RAP1B: variants seen among roughly 807,000 people sequenced by gnomAD.
RAP1B encodes RAP1B, member of RAS oncogene family, also known as ras-related protein Rap-1b.
A neutral mutation model predicts 27.5 loss-of-function variants in RAP1B; 1 was observed. The observed-to-expected ratio is 0.04, with a 90% CI of 0.01 to 0.17. RAP1B has a LOEUF of 0.17. Among genes scored for constraint, RAP1B ranks in the 10% least tolerant of loss-of-function variants. The pLI, the probability that RAP1B is intolerant of heterozygous loss-of-function variation, is 1.00. For synonymous variants in RAP1B, 75 were observed against 73.1 expected, an observed-to-expected ratio of 1.03 and a Z score of -0.13; for missense variants, 84 against 214.8, an observed-to-expected ratio of 0.39 and a Z score of 3.81.
At chr12:68,642,919 C>T in intron 1 of RAP1B, 2 of 929,382 alleles carry the variant, frequency 2.2e-6, no homozygotes, top group Non-Finnish European at 1.8e-6. Context: ...TAGCAATGGC[C>T]TTTTGGTTCT....
At chr12:68,653,963 C>T (rs1416856252) in intron 4 of RAP1B, 149 bp from the exon 5 acceptor site, 3 of 699,032 alleles carry the variant, frequency 4.3e-6, no homozygotes, top group Middle Eastern at 4.1e-4. Context: ...CCAATTTTTT[C>T]AAATAGTATC....
chr12:68,622,502 CT>C (rs1283990798), intron 1 of RAP1B, among the ~76,000 whole-genome samples: 3 of 152,206 alleles, frequency 2.0e-5, no homozygotes, highest in Non-Finnish European at 4.4e-5. Flanking sequence ...AGCTGTACTT[CT>C]TTCTGTGACA....
At chr12:68,640,637 T>C (rs1223799874) in intron 1 of RAP1B, among the ~76,000 whole-genome samples, 1 of 152,232 alleles carries the variant, frequency 6.6e-6, no homozygotes, top group African/African-American at 2.4e-5. Context: ...ATTTTCTTTT[T>C]AATACATAAA....
chr12:68,650,266 G>C, intron 2 of RAP1B, 134 bp from the exon 3 acceptor site: 1 of 742,190 alleles, frequency 1.3e-6, no homozygotes, highest in Non-Finnish European at 2.0e-6. Flanking sequence ...GTACACATTC[G>C]AATGTAGTAT....
At chr12:68,614,409 G>T (rs149025797) in intron 1 of RAP1B, among the ~76,000 whole-genome samples, 84 of 152,314 alleles carry the variant, frequency 5.5e-4, no homozygotes, top group African/African-American at 2.0e-3. Flanking sequence ...TAAAGAGGAG[G>T]TTGGGTATTG....
chr12:68,619,787 A>G (rs1474720533), intron 1 of RAP1B, among the ~76,000 whole-genome samples: 2 of 152,204 alleles, frequency 1.3e-5, no homozygotes, highest in Non-Finnish European at 2.9e-5. Flanking sequence ...TTATCTTAAA[A>G]TCTCCTATTA....
In RAP1B at chr12:68,650,730, A is replaced by G. The variant is rs555987058; in HGVS notation, c.126+262A>G. On this transcript the variant is annotated intron_variant, in intron 3 of 7. Coordinates refer to ENST00000250559, the MANE Select transcript of RAP1B (RefSeq NM_001010942.3). ...ACCATCCATTTCAAGTAGTAGCCCC[A>G]TGTTACTTTCAGTCCCCTACCTAGC... 5.2e-5 allele frequency: 11 copies of G among 210,470 alleles called. No homozygotes were observed. In the South Asian group the frequency reaches 6.1e-4, roughly 12 times the overall value. The allele number at this position is 210,470 out of a possible 1,614,324, so 13.0% of individuals were successfully genotyped here.
chr12:68,612,197 A>T (rs1870652828), intron 1 of RAP1B, among the ~76,000 whole-genome samples: 1 of 152,218 alleles, frequency 6.6e-6, no homozygotes, highest in South Asian at 2.1e-4. Context: ...GCAGCATCTC[A>T]TATATGTCGA....
rs564016081 is a variant in RAP1B at position 68,631,620 on chromosome 12, A to C, written c.-26-17079A>C. 2.0e-5 allele frequency among the ~76,000 whole-genome samples: 3 copies of C among 152,152 alleles called. No individual in the cohort carries two copies. The South Asian group carries it at 6.2e-4, about 32-fold the overall frequency. The stretch of plus-strand genomic sequence containing the variant: ...CTGCTTTTTCCGCTATAGTCTAATT[A>C]ATGTTCCCATGTTATGCTGCCTTTT... On this transcript the variant is annotated intron_variant, in intron 1 of 7. Transcript: ENST00000250559.
intron 6 of RAP1B, chr12:68,656,690 T>C: frequency 1.8e-6 from 1 of 571,404 alleles, no homozygotes; most frequent in Non-Finnish European, 3.0e-6. Flanking sequence ...AGAAAATACA[T>C]GGATAGGGAA....
intron 3 of RAP1B, chr12:68,650,834 T>C (rs1172879442): frequency 6.5e-6 from 1 of 154,074 alleles, no homozygotes; most frequent in East Asian, 1.9e-4. Context: ...TTCTACTTAC[T>C]AACCTCTTGA....
intron 1 of RAP1B, chr12:68,627,018 T>C: frequency 6.3e-7 from 1 of 1,576,640 alleles, no homozygotes; most frequent in South Asian, 1.1e-5. Context: ...CTTTGAGATG[T>C]GGATCTTCTG....
chr12:68,646,967 A>G (rs1873452542), intron 1 of RAP1B, among the ~76,000 whole-genome samples: 1 of 152,238 alleles, frequency 6.6e-6, no homozygotes. Context: ...ACCCATATAC[A>G]AAAAGAAAGG....
rs368363884 is a variant in RAP1B, at chr12:68,657,788, G to A, written c.*30+571G>A. 3.0e-4 allele frequency: 46 copies of A among 154,484 alleles called. No individual in the cohort carries two copies. In the South Asian group the frequency reaches 7.8e-3, roughly 26 times the overall value. 9.6% of individuals were successfully genotyped at this position (154,484 alleles called of 1,614,324 possible). On this transcript the variant is annotated intron_variant, in intron 7 of 7. Coordinates refer to ENST00000250559, the MANE Select transcript of RAP1B (RefSeq NM_001010942.3). ...CACACACACACGTGCGCGCGTGCGC[G>A]TGAGCCACCGCTCCCAGCCAACCGT...
chr12:68,617,225 T>TA (rs1871090931), intron 1 of RAP1B, among the ~76,000 whole-genome samples: 1 of 152,250 alleles, frequency 6.6e-6, no homozygotes, highest in Non-Finnish European at 1.5e-5. Flanking sequence ...ACTTAGTTTT[T>TA]ATGCGCCAAA....
intron 1 of RAP1B, among the ~76,000 whole-genome samples, chr12:68,643,179 CTT>C (rs1372832685): frequency 1.3e-5 from 2 of 152,144 alleles, no homozygotes; most frequent in Non-Finnish European, 2.9e-5. Context: ...AGTCAGAACT[CTT>C]AATAATTTAT....
intron 1 of RAP1B, among the ~76,000 whole-genome samples, chr12:68,611,472 C>T (rs1304797172): frequency 6.6e-6 from 1 of 151,518 alleles, no homozygotes; most frequent in Non-Finnish European, 1.5e-5. Flanking sequence ...CGCCTGGGTT[C>T]CCTCCGTGGT....
In RAP1B at chr12:68,620,927, C is replaced by T. The variant is rs559168129; in HGVS notation, c.-27+9884C>T. Among the ~76,000 whole-genome samples, 7 of 152,100 alleles carry T rather than the reference C, an allele frequency of 4.6e-5. No individual in the cohort carries two copies. The East Asian group carries it at 1.2e-3, about 25-fold the overall frequency. On this transcript the variant is annotated intron_variant, in intron 1 of 7. Transcript: ENST00000250559. ...AAGGATTTTTAGACTGTGTTTGGAT[C>T]GAGTAATCAGTTTCAGATTAGGAGA...
chr12:68,621,730 T>A (rs1871398415), intron 1 of RAP1B, among the ~76,000 whole-genome samples: 1 of 152,198 alleles, frequency 6.6e-6, no homozygotes, highest in South Asian at 2.1e-4. Flanking sequence ...TGAAAAACAC[T>A]TGTGATGCTT....
Sources: allele counts gnomAD v4.1 joint callset (sites outside exome capture counted in the v4.1 genomes callset), GRCh38; gene constraint gnomAD v4.1.1; transcripts MANE v1.5; gene names NCBI Gene and HGNC (gene_info 2026-07-23, HGNC 2026-07-21).